Variants in USH2A observed in about 807,000 individuals in gnomAD.
The protein encoded by USH2A is usherin, also known as Usher syndrome 2A (autosomal recessive, mild).
USH2A carries 443 observed loss-of-function variants against 538.9 expected under a neutral mutation model. The ratio of observed to expected loss-of-function variants is 0.82; its 90% CI spans 0.76 to 0.89. The LOEUF is 0.89. USH2A is among the 40% of genes least tolerant of loss of function. USH2A has a pLI of 0.00. For synonymous variants in USH2A, 2,413 were observed against 2,273.5 expected (o/e 1.06, Z -1.75); for missense variants, 6,633 against 6,324.8 (o/e 1.05, Z -1.65).
intron 2 of USH2A, among the ~76,000 whole-genome samples, chr1:216,419,045 C>T (rs566822710): frequency 1.6e-4 from 24 of 152,068 alleles, no homozygotes; most frequent in South Asian, 4.2e-4. Flanking sequence ...CACTACAGGC[C>T]GCTTGAGTAT....
chr1:216,160,815 T>C (rs2034043120), intron 21 of USH2A, among the ~76,000 whole-genome samples: 1 of 152,140 alleles, frequency 6.6e-6, no homozygotes, highest in African/African-American at 2.4e-5. Context: ...TTTTGTGTAC[T>C]TTTCCTGTCA....
chr1:215,656,183 G>T (rs934288103), intron 64 of USH2A, among the ~76,000 whole-genome samples: 8 of 152,062 alleles, frequency 5.3e-5, no homozygotes, highest in African/African-American at 1.9e-4. Context: ...GCTTTGCCTC[G>T]CTCAATGTCT....
At chr1:215,839,608 T>G (rs1016478762) in intron 46 of USH2A, among the ~76,000 whole-genome samples, 3 of 152,208 alleles carry the variant, frequency 2.0e-5, no homozygotes, top group Non-Finnish European at 4.4e-5. Context: ...CAATGACTAC[T>G]GCTGGTAGCC....
chr1:215,835,544 G>A (rs538260383), intron 47 of USH2A, among the ~76,000 whole-genome samples: 26 of 152,164 alleles, frequency 1.7e-4, no homozygotes, highest in South Asian at 1.2e-3. Context: ...TCTCCTGGTC[G>A]GTGGACTTTG....
intron 43 of USH2A, among the ~76,000 whole-genome samples, chr1:215,872,989 T>C (rs919296873): frequency 1.3e-5 from 2 of 152,088 alleles, no homozygotes; most frequent in African/African-American, 4.8e-5. Flanking sequence ...TGCAGAACCA[T>C]GAGCCAAGTA....
chr1:215,798,868 G>T, intron 50 of USH2A, 39 bp downstream of exon 50: 1 of 1,611,352 alleles, frequency 6.2e-7, no homozygotes, highest in Non-Finnish European at 8.5e-7. Context: ...CTGCTTCTCA[G>T]ATCCTCCATC....
chr1:215,873,988 C>T (rs989720788), intron 43 of USH2A, among the ~76,000 whole-genome samples: 2 of 151,888 alleles, frequency 1.3e-5, no homozygotes, highest in African/African-American at 4.8e-5. Context: ...TCTTTAAATC[C>T]ACAACGAAAA....
chr1:216,052,073 T>C (rs1054189991), intron 30 of USH2A, among the ~76,000 whole-genome samples: 1 of 152,148 alleles, frequency 6.6e-6, no homozygotes, highest in Non-Finnish European at 1.5e-5. Context: ...GTGTATAACA[T>C]GTGTATAGTG....
intron 61 of USH2A, among the ~76,000 whole-genome samples, chr1:215,717,266 A>AT (rs1374251891): frequency 3.3e-5 from 5 of 152,300 alleles, no homozygotes; most frequent in African/African-American, 1.2e-4. Context: ...ATAGTCATTC[A>AT]TTGGCTGATC....
intron 3 of USH2A, among the ~76,000 whole-genome samples, chr1:216,372,989 T>C (rs2038743016): frequency 6.6e-6 from 1 of 152,198 alleles, no homozygotes; most frequent in Non-Finnish European, 1.5e-5. Flanking sequence ...AGTTACTTGT[T>C]ATAACTACAA....
chr1:216,275,783 A>G (rs183930021), intron 11 of USH2A, among the ~76,000 whole-genome samples: 66 of 152,290 alleles, frequency 4.3e-4, no homozygotes, highest in East Asian at 3.1e-3. Context: ...GTCGATTCCA[A>G]TAAATTAATT....
At chr1:216,106,791 A>G (rs2032746764) in intron 21 of USH2A, among the ~76,000 whole-genome samples, 1 of 151,854 alleles carries the variant, frequency 6.6e-6, no homozygotes, top group Non-Finnish European at 1.5e-5. Flanking sequence ...TTTAACCTAT[A>G]CATTTCTCTC....
chr1:215,805,603 T>C (rs79528303), intron 49 of USH2A, among the ~76,000 whole-genome samples: 1 of 152,128 alleles, frequency 6.6e-6, no homozygotes, highest in East Asian at 1.9e-4. Context: ...GGTGTATACT[T>C]TACCACAAAA....
chr1:215,974,603 T>G (rs1667576948), intron 35 of USH2A, among the ~76,000 whole-genome samples: 1 of 152,200 alleles, frequency 6.6e-6, no homozygotes, highest in Non-Finnish European at 1.5e-5. Flanking sequence ...GTTTTTTTGT[T>G]CTTGTATTAA....
intron 64 of USH2A, among the ~76,000 whole-genome samples, chr1:215,665,671 C>T (rs776021133): frequency 6.6e-6 from 1 of 152,188 alleles, no homozygotes; most frequent in Non-Finnish European, 1.5e-5. Flanking sequence ...TAATTTGCTG[C>T]TAAACAGTTA....
At chr1:216,345,098 G>C (rs972001197) in intron 4 of USH2A, among the ~76,000 whole-genome samples, 7 of 151,974 alleles carry the variant, frequency 4.6e-5, no homozygotes, top group African/African-American at 1.7e-4. Context: ...CAATGGGAGG[G>C]TCTTTCTCTG....
chr1:215,848,186 T>C (rs1663916882), intron 44 of USH2A, among the ~76,000 whole-genome samples: 1 of 152,176 alleles, frequency 6.6e-6, no homozygotes, highest in Non-Finnish European at 1.5e-5. Context: ...GTTACTAGCA[T>C]CATTTTCTAC....
chr1:216,024,031 T>C (rs1036627380), intron 32 of USH2A, among the ~76,000 whole-genome samples: 6 of 152,244 alleles, frequency 3.9e-5, no homozygotes, highest in African/African-American at 1.2e-4. Flanking sequence ...ACTAGCCATA[T>C]CTGAGTTTGA....
intron 21 of USH2A, among the ~76,000 whole-genome samples, chr1:216,122,765 A>G (rs1194497315): frequency 1.3e-5 from 2 of 152,218 alleles, no homozygotes; most frequent in Non-Finnish European, 2.9e-5. Flanking sequence ...CCAGGGTAGA[A>G]TGAGCCTAAA....
Sources: gnomAD v4.1 joint callset for allele counts (sites outside exome capture counted in the v4.1 genomes callset) on GRCh38, gnomAD v4.1.1 for gene constraint, MANE v1.5 for transcripts, NCBI Gene and HGNC (gene_info 2026-07-23, HGNC 2026-07-21) for gene names.